The following GPR137C variants were observed in gnomAD, a reference collection of about 807,000 sequenced individuals.
The protein encoded by GPR137C is G protein-coupled receptor 137C.
In GPR137C, 27 loss-of-function variants were observed where a neutral mutation model predicts 43.4. The ratio of observed to expected loss-of-function variants is 0.62; its 90% CI spans 0.46 to 0.86. GPR137C has a LOEUF of 0.86. Ranked by LOEUF, GPR137C falls within the 40% of genes least tolerant of loss-of-function variation. GPR137C has a pLI of 0.00. For missense variants in GPR137C, 522 were observed against 534.6 expected, an observed-to-expected ratio of 0.98 and a Z score of 0.23; for synonymous variants, 285 against 226.9, an observed-to-expected ratio of 1.26 and a Z score of -2.30.
chr14:52,619,377 A>T (rs937701291), intron 3 of GPR137C, among the ~76,000 whole-genome samples: 1 of 152,148 alleles, frequency 6.6e-6, no homozygotes, highest in Non-Finnish European at 1.5e-5. Context: ...TATAGATAGG[A>T]TTGCCACCTT....
intron 3 of GPR137C, chr14:52,613,014 A>AG (rs1184996720): frequency 6.6e-6 from 1 of 152,248 alleles, no homozygotes; most frequent in African/African-American, 2.4e-5. Context: ...TGGGAGGCCA[A>AG]GGCGGGTGGA....
chr14:52,615,460 T>C (rs2039088133), intron 3 of GPR137C, among the ~76,000 whole-genome samples: 1 of 122,972 alleles, frequency 8.1e-6, no homozygotes, highest in African/African-American at 3.1e-5. Context: ...TCCATATACA[T>C]TTTAGGGTTT....
chr14:52,612,473 G>A (rs2039048715), intron 3 of GPR137C: 12 of 981,898 alleles, frequency 1.2e-5, no homozygotes, highest in Non-Finnish European at 1.5e-5. Context: ...TTTAGTAAGA[G>A]TTAGAGGTTT....
chr14:52,561,406 A>G (rs186435586), intron 1 of GPR137C, among the ~76,000 whole-genome samples: 1 of 152,212 alleles, frequency 6.6e-6, no homozygotes, highest in Non-Finnish European at 1.5e-5. Flanking sequence ...CCAGCAGCTC[A>G]AGACCAGCCT....
At chr14:52,560,136 G>A (rs149075188) in intron 1 of GPR137C, among the ~76,000 whole-genome samples, 53 of 152,210 alleles carry the variant, frequency 3.5e-4, no homozygotes, top group African/African-American at 1.2e-3. Context: ...CAGCTTGGGC[G>A]ACAGAACAAG....
At chr14:52,597,460 C>T (rs532632953) in intron 1 of GPR137C, among the ~76,000 whole-genome samples, 16 of 152,240 alleles carry the variant, frequency 1.1e-4, no homozygotes, top group Middle Eastern at 3.4e-3. Flanking sequence ...TCTTTCTTTC[C>T]AGGTCCCCAA....
intron 6 of GPR137C, among the ~76,000 whole-genome samples, chr14:52,634,721 T>G (rs2039332913): frequency 6.6e-6 from 1 of 152,156 alleles, no homozygotes; most frequent in South Asian, 2.1e-4. Context: ...TGGCATTTAT[T>G]CATTCTTTTG....
At chr14:52,575,975 C>T (rs923643260) in intron 1 of GPR137C, among the ~76,000 whole-genome samples, 10 of 152,086 alleles carry the variant, frequency 6.6e-5, no homozygotes, top group Admixed American at 2.0e-4. Context: ...CTGTGTTGTT[C>T]GGGGTTTTTA....
intron 1 of GPR137C, among the ~76,000 whole-genome samples, chr14:52,571,778 C>A (rs140243834): frequency 2.6e-4 from 40 of 151,966 alleles, no homozygotes; most frequent in African/African-American, 9.7e-4. Flanking sequence ...GATAGAGATA[C>A]GAAAAAACCT....
Position 52,633,947 on chromosome 14 carries a change from G to A in GPR137C, c.1112+1G>A. The A allele has an allele frequency of 1.3e-6, 2 of 1,547,170 alleles. No homozygotes were observed. Among genetic ancestry groups the A allele is most frequent in the Admixed American group, 1.7e-5 (1 of 59,710 alleles). ...GACTGGGAAGTTCAAGAGAAGGAAG[G>A]TAGATGTAACAAAGCCACTTAGCCT... On this transcript the variant is annotated splice_donor_variant, in intron 6 of 6. Transcript: ENST00000321662. LOFTEE classifies it high-confidence loss of function.
At chr14:52,613,495 C>T (rs2139554879) in intron 3 of GPR137C, 1 of 154,098 alleles carries the variant, frequency 6.5e-6, no homozygotes, top group Middle Eastern at 3.3e-3. Context: ...CACTTCTCCC[C>T]AACCCCTCCA....
chr14:52,602,739 T>C (rs1450644309), intron 3 of GPR137C, among the ~76,000 whole-genome samples: 2 of 152,264 alleles, frequency 1.3e-5, no homozygotes, highest in East Asian at 3.9e-4. Flanking sequence ...ATCTGAATTA[T>C]CTTAAAATTT....
intron 1 of GPR137C, among the ~76,000 whole-genome samples, chr14:52,559,107 G>C (rs1594778158): frequency 6.6e-6 from 1 of 152,224 alleles, no homozygotes; most frequent in African/African-American, 2.4e-5. Flanking sequence ...ACCTGGTGCA[G>C]TGGCTCACGC....
At chr14:52,578,895 G>C (rs566412430) in intron 1 of GPR137C, among the ~76,000 whole-genome samples, 101 of 151,724 alleles carry the variant, frequency 6.7e-4, no homozygotes, top group Admixed American at 3.2e-3. Flanking sequence ...AGTGAGCTGA[G>C]ATCGTGCCAC....
chr14:52,620,541 T>C (rs1276302128), intron 3 of GPR137C, among the ~76,000 whole-genome samples: 1 of 151,676 alleles, frequency 6.6e-6, no homozygotes. Flanking sequence ...GTTACAAATA[T>C]ATGAAGAAAC....
At chr14:52,603,930 A>AT (rs1303802253) in intron 3 of GPR137C, among the ~76,000 whole-genome samples, 1 of 151,980 alleles carries the variant, frequency 6.6e-6, no homozygotes, top group African/African-American at 2.4e-5. Context: ...CCAGCACTTG[A>AT]TTTTTTGTCT....
intron 3 of GPR137C, among the ~76,000 whole-genome samples, chr14:52,629,698 G>T (rs1171722312): frequency 2.6e-5 from 4 of 152,166 alleles, no homozygotes; most frequent in Non-Finnish European, 5.9e-5. Flanking sequence ...TTGATGGAAG[G>T]GGTGTGAGGG....
intron 1 of GPR137C, among the ~76,000 whole-genome samples, chr14:52,562,080 T>C (rs1248480239): frequency 1.3e-5 from 2 of 151,946 alleles, no homozygotes; most frequent in African/African-American, 4.8e-5. Flanking sequence ...ATCATCTAAT[T>C]TATGTTAGAA....
chr14:52,553,861 C>T (rs1432348885), intron 1 of GPR137C, among the ~76,000 whole-genome samples: 2 of 152,160 alleles, frequency 1.3e-5, no homozygotes, highest in African/African-American at 2.4e-5. Flanking sequence ...GGAACGAACC[C>T]TTTGTTCGGT....
Sources: gnomAD v4.1 joint callset for allele counts (sites outside exome capture counted in the v4.1 genomes callset) on GRCh38, gnomAD v4.1.1 for gene constraint, MANE v1.5 for transcripts, NCBI Gene and HGNC (gene_info 2026-07-23, HGNC 2026-07-21) for gene names.